The following SLC29A1 variants were observed in gnomAD, a reference collection of about 807,000 sequenced individuals.
SLC29A1 encodes solute carrier family 29 member 1 (Augustine blood group).
Under a neutral mutation model 48.3 loss-of-function variants are expected in SLC29A1, and 22 were observed. The observed-to-expected ratio is 0.46, with a 90% CI of 0.33 to 0.65. SLC29A1 has a LOEUF of 0.65. Among genes scored for constraint, SLC29A1 ranks in the 30% least tolerant of loss-of-function variants. SLC29A1 has a pLI of 0.03. For missense variants in SLC29A1, 491 were observed against 575.3 expected (o/e 0.85, Z 1.50); for synonymous variants, 228 against 231.0 (o/e 0.99, Z 0.12).
In SLC29A1 at chr6:44,231,983, A is replaced by C. The variant is rs772021375; in HGVS notation, c.865-15A>C. On this transcript the variant is annotated splice_polypyrimidine_tract_variant and intron_variant, in intron 9 of 12. Transcript: ENST00000371755. ...AAGACACAGGCATTTGGGTGACTCT[A>C]CCCCTTCTATCTAGATCTCAGTCCT... 1.1e-5 allele frequency: 18 copies of C among 1,582,712 alleles called. No homozygotes were observed. Among genetic ancestry groups the C allele is most frequent in the Non-Finnish European group, 1.6e-5 (18 of 1,152,126 alleles).
chr6:44,231,978 ACT>A lies in SLC29A1; in HGVS notation c.865-17_865-16del. 1 of 1,561,918 alleles carries A rather than the reference ACT, an allele frequency of 6.4e-7. No homozygotes were observed. The highest frequency in any genetic ancestry group is 8.8e-7 in the Non-Finnish European group (1 of 1,133,110). On this transcript the variant is annotated intron_variant, in intron 9 of 12. Transcript: ENST00000371755. ...CCATGAAGACACAGGCATTTGGGTG[ACT>A]CTACCCCTTCTATCTAGATCTCAGT...
Position 44,231,482 on chromosome 6 carries a change from T to C in SLC29A1, c.864+21T>C, listed in dbSNP as rs1380367697. 5 of 1,452,440 alleles carry C rather than the reference T, an allele frequency of 3.4e-6. No individual in the cohort carries two copies. The Admixed American group carries it at 8.6e-5, about 25-fold the overall frequency. The allele number at this position is 1,452,440 out of a possible 1,614,324, so 90.0% of individuals were successfully genotyped here. On this transcript the variant is annotated intron_variant, in intron 9 of 12. Transcript: ENST00000371755. ...AAAATGTACGTAGGGGAGGTTATCC[T>C]ATCTTCTACCCCTTGTCCTCTTTCT... is the stretch of plus-strand genomic sequence containing the variant.
chr6:44,230,066 G>T lies in SLC29A1; in HGVS notation c.454+20G>T. On this transcript the variant is annotated intron_variant, in intron 5 of 12. Transcript: ENST00000371755. ...TTAATTGTAAGCTGGGCCAGGAGGG[G>T]GCCTATGGGAGGAGGCATGCCCAAC... 2.5e-6 allele frequency: 4 copies of T among 1,603,008 alleles called. No homozygotes were observed. Among genetic ancestry groups the T allele is most frequent in the Non-Finnish European group, 3.4e-6 (4 of 1,179,948 alleles).
chr6:44,233,296 G>A, intron 12 of SLC29A1, 121 bp from the exon 13 acceptor site: 1 of 888,366 alleles, frequency 1.1e-6, no homozygotes, highest in Non-Finnish European at 1.9e-6. Context: ...GCCAGGATGG[G>A]TTGATCAACA....
rs540589805 is a variant in SLC29A1 at position 44,232,673 on chromosome 6, C to T, written c.1060-134C>T. On this transcript the variant is annotated intron_variant, in intron 11 of 12. Coordinates refer to ENST00000371755, the MANE Select transcript of SLC29A1 (RefSeq NM_001372327.1). The surrounding 1 kb of genome is among the most constrained non-coding windows in gnomAD (Gnocchi z 4.7). Reference sequence around the variant, plus strand: ...CCAGAAGGCTCCACCATGCCCCTTTCAAGAGTAACCCCCTAAGGAGAACCA... The same window carrying T: ...CCAGAAGGCTCCACCATGCCCCTTTTAAGAGTAACCCCCTAAGGAGAACCA... The T allele has an allele frequency of 2.4e-5, 20 of 821,040 alleles. No homozygotes were observed. In the South Asian group the frequency reaches 2.8e-4, roughly 11 times the overall value. 50.9% of individuals were successfully genotyped at this position (821,040 alleles called of 1,614,324 possible). A position where few individuals can be genotyped will look rare whatever the true frequency, so the allele number is the denominator to read the frequency against.
chr6:44,228,091 G>A (rs1429784567), intron 2 of SLC29A1, among the ~76,000 whole-genome samples: 4 of 152,152 alleles, frequency 2.6e-5, no homozygotes, highest in Non-Finnish European at 5.9e-5. Flanking sequence ...TAAGCTAAAA[G>A]TATCTACTTC....
chr6:44,227,460 G>A (rs1777830313), intron 2 of SLC29A1, 118 bp downstream of exon 2: 3 of 874,674 alleles, frequency 3.4e-6, no homozygotes, highest in Admixed American at 2.1e-5. Flanking sequence ...AGGTAGCTAT[G>A]AGTCAGGTCT....
upstream of SLC29A1, chr6:44,221,547 G>A (rs756759742): frequency 3.7e-6 from 4 of 1,068,012 alleles, no homozygotes; most frequent in South Asian, 5.2e-5. The surrounding 1 kb of genome is among the most constrained non-coding windows in gnomAD (Gnocchi z 4.2). Flanking sequence ...GAGTAGAGGT[G>A]CAGCAGGACC....
chr6:44,230,754 C>T (rs1263183307), intron 7 of SLC29A1, 57 bp from the exon 8 acceptor site: 35 of 1,580,240 alleles, frequency 2.2e-5, no homozygotes, highest in South Asian at 1.5e-4. Flanking sequence ...TGAAGGAGGC[C>T]GGGATTCTGG....
intron 2 of SLC29A1, among the ~76,000 whole-genome samples, 198 bp downstream of exon 2, chr6:44,227,540 G>A (rs530556475): frequency 1.3e-5 from 2 of 152,366 alleles, no homozygotes; most frequent in South Asian, 4.1e-4. Context: ...AGGGCAGGGT[G>A]CGTGGGCAGC....
At position 44,232,999 on chromosome 6, in the gene SLC29A1, G is replaced by A. The variant is rs780603542; in HGVS notation, c.1252G>A (p.Gly418Arg). ...GYLASLCMCF[G>R]PKKVKPAEAE... ...CCTCGCCAGCCTCTGCATGTGCTTC[G>A]GGCCCAAGTGAGTAGGGCTGGCAGG... The change falls in exon 12 of 13, where the codon GGG (glycine) becomes AGG (arginine). Residue 418 changes from glycine (G) to arginine (R), a missense_variant. Transcript: ENST00000371755. The surrounding 1 kb of genome is among the most constrained non-coding windows in gnomAD (Gnocchi z 4.7). 12 of 1,612,370 alleles carry A rather than the reference G, an allele frequency of 7.4e-6. No homozygotes were observed. The highest frequency in any genetic ancestry group is 2.7e-5 in the African/African-American group (2 of 74,930).
At chr6:44,219,907 A>T, upstream of SLC29A1, 1 of 558,530 alleles carries the variant, frequency 1.8e-6, no homozygotes, top group Non-Finnish European at 2.7e-6. Flanking sequence ...ACAGTGTCTC[A>T]GGGGAGTCAG....
At chr6:44,222,748 A>G (rs1776600033), upstream of SLC29A1, among the ~76,000 whole-genome samples, 1 of 152,192 alleles carries the variant, frequency 6.6e-6, no homozygotes, top group African/African-American at 2.4e-5. Flanking sequence ...AGACATACTC[A>G]GCAAGGCTTC....
At position 44,233,484 on chromosome 6, in the gene SLC29A1, G is replaced by A. The variant is rs1779355770; in HGVS notation, c.1327G>A (p.Ala443Thr). Reference protein sequence around the residue: ...IMAFFLCLGLALGAVFSFLFR... With the variant: ...IMAFFLCLGLTLGAVFSFLFR... ...GGCCTTCTTCCTGTGTCTGGGTCTG[G>A]CACTGGGGGCTGTTTTCTCCTTCCT... Residue 443 changes from alanine (A) to threonine (T), a missense_variant, in exon 13 of 13, where the codon GCA becomes ACA. By Grantham distance (58) the Ala-to-Thr change is moderately conservative (BLOSUM62 0). Transcript: ENST00000371755. The A allele has an allele frequency of 3.7e-6, 6 of 1,613,970 alleles. No individual in the cohort carries two copies. The African/African-American group carries it at 4.0e-5, about 11-fold the overall frequency.
chr6:44,227,202 A>G (rs371927242), intron 1 of SLC29A1, 61 bp from the exon 2 acceptor site: 2 of 1,523,988 alleles, frequency 1.3e-6, no homozygotes, highest in Non-Finnish European at 1.8e-6. Flanking sequence ...TCCCCCTAAG[A>G]GCCTGAGGAG....
At chr6:44,224,902 G>A (rs1777142813) in intron 1 of SLC29A1, among the ~76,000 whole-genome samples, 1 of 152,222 alleles carries the variant, frequency 6.6e-6, no homozygotes, top group South Asian at 2.1e-4. Flanking sequence ...AGGCTGGCCA[G>A]CTGAATGTTA....
intron 2 of SLC29A1, 145 bp downstream of exon 2, chr6:44,227,487 C>T (rs544602682): frequency 9.9e-6 from 7 of 703,786 alleles, no homozygotes; most frequent in African/African-American, 1.8e-5. Flanking sequence ...GGGGTGGGGA[C>T]CCCGTGTGCC....
upstream of SLC29A1, chr6:44,219,803 G>A (rs548822270): frequency 8.9e-4 from 1,100 of 1,233,566 alleles, 4 homozygotes; most frequent in African/African-American, 9.2e-3. Flanking sequence ...CGGGGCCGGG[G>A]GGCCTGGCGG....
Position 44,230,387 on chromosome 6 carries a change from T to C in SLC29A1, c.495T>C (p.Ala165=). 3.1e-6 allele frequency: 5 copies of C among 1,614,082 alleles called. No individual in the cohort carries two copies. In the East Asian group the frequency reaches 1.1e-4, roughly 36 times the overall value. The change falls in exon 6 of 13, where the codon GCT becomes GCC. Residue 165 remains alanine, a synonymous_variant. Coordinates refer to ENST00000371755, the MANE Select transcript of SLC29A1 (RefSeq NM_001372327.1). ...TGCAGGGCAGCCTGTTTGGTCTGGCTGGCCTTCTGCCTGCCAGCTACACGG... is the reference window on the plus strand; with the variant it reads ...TGCAGGGCAGCCTGTTTGGTCTGGCCGGCCTTCTGCCTGCCAGCTACACGG... The part of the protein sequence containing the change: ...AILQGSLFGL[A]GLLPASYTAP...
Sources: allele counts gnomAD v4.1 joint callset (sites outside exome capture counted in the v4.1 genomes callset), GRCh38; gene constraint gnomAD v4.1.1; non-coding constraint Gnocchi (gnomAD v3.1); transcripts MANE v1.5; gene names NCBI Gene and HGNC (gene_info 2026-07-23, HGNC 2026-07-21).